The following ARMC9 variants were observed in gnomAD, a reference collection of about 807,000 sequenced individuals.
ARMC9 encodes the protein lisH domain-containing protein ARMC9.
A neutral mutation model predicts 107.0 loss-of-function variants in ARMC9; 94 were observed. The observed-to-expected ratio is 0.88, with a 90% CI of 0.74 to 1.04. The LOEUF is 1.04. Among genes scored for constraint, ARMC9 ranks in the 50% least tolerant of loss-of-function variants. The pLI is 0.00. For synonymous variants in ARMC9, 380 were observed against 396.9 expected, an observed-to-expected ratio of 0.96 and a Z score of 0.51; for missense variants, 942 against 1,030.1, an observed-to-expected ratio of 0.91 and a Z score of 1.17.
intron 19 of ARMC9, among the ~76,000 whole-genome samples, chr2:231,325,392 A>T (rs559497409): frequency 6.6e-6 from 1 of 152,298 alleles, no homozygotes; most frequent in Admixed American, 6.5e-5. Context: ...GCATTGACTG[A>T]AGTTAGCCAT....
intron 9 of ARMC9, among the ~76,000 whole-genome samples, chr2:231,246,256 T>C (rs1255714440): frequency 6.6e-6 from 1 of 152,228 alleles, no homozygotes; most frequent in Non-Finnish European, 1.5e-5. Flanking sequence ...GTTTGTTACA[T>C]GAGTAAATTA....
In ARMC9 at chr2:231,214,995, G is replaced by C. The variant is rs763095603; in HGVS notation, c.342G>C (p.Gly114=). Residue 114 remains glycine (G), a synonymous_variant, in exon 4 of 25, where the codon GGG becomes GGC. Transcript: ENST00000611582. The part of the protein sequence containing the change: ...FAIYLLKYSV[G]RPDKEELDEK... ...TCTATCTTTTGAAGTACTCTGTGGG[G>C]AGACCGGTGGGTTTACCTGGTGATG... The C allele has an allele frequency of 3.1e-6, 5 of 1,614,102 alleles. No homozygotes were observed. In the East Asian group the frequency reaches 1.1e-4, roughly 36 times the overall value.
intron 19 of ARMC9, among the ~76,000 whole-genome samples, chr2:231,296,614 C>T (rs1392918698): frequency 2.0e-5 from 3 of 152,162 alleles, no homozygotes; most frequent in Non-Finnish European, 2.9e-5. Flanking sequence ...GAGTGCTGGG[C>T]GTGTAGGCGC....
chr2:231,236,431 C>A (rs1057353511), intron 8 of ARMC9, among the ~76,000 whole-genome samples: 1 of 151,982 alleles, frequency 6.6e-6, no homozygotes, highest in Non-Finnish European at 1.5e-5. Context: ...CTATAAAGTA[C>A]AATAAAATCT....
chr2:231,335,770 G>A lies in ARMC9; in HGVS notation c.1878+3873G>A, dbSNP rs116693921. Among the ~76,000 whole-genome samples the A allele has an allele frequency of 2.2e-3, 328 of 152,246 alleles. 3 individuals are homozygous for A. The highest frequency in any genetic ancestry group is 7.4e-3 in the African/African-American group (306 of 41,524). On this transcript the variant is annotated intron_variant, in intron 20 of 24. Transcript: ENST00000611582. ...TGAAATTTTTAGTACCGTGCATACCGTGCTGAGTAATCAACAATGCCTCTG... is the reference window on the plus strand; with the variant it reads ...TGAAATTTTTAGTACCGTGCATACCATGCTGAGTAATCAACAATGCCTCTG...
At chr2:231,324,275 ACG>A (rs2043180361) in intron 19 of ARMC9, among the ~76,000 whole-genome samples, 1 of 150,704 alleles carries the variant, frequency 6.6e-6, no homozygotes, top group South Asian at 2.1e-4. Context: ...CTACAGGCAC[ACG>A]CCACCACGCC....
chr2:231,315,538 CATAA>C (rs1008199538), intron 19 of ARMC9, among the ~76,000 whole-genome samples: 2 of 152,082 alleles, frequency 1.3e-5, no homozygotes, highest in South Asian at 2.1e-4. Flanking sequence ...GGCTCCATCT[CATAA>C]ATAAATAAAT....
chr2:231,210,435 C>G (rs2032661047), intron 3 of ARMC9, among the ~76,000 whole-genome samples: 1 of 152,192 alleles, frequency 6.6e-6, no homozygotes, highest in Non-Finnish European at 1.5e-5. Context: ...TTCCCTGGTT[C>G]TTTCTGGATG....
intron 3 of ARMC9, among the ~76,000 whole-genome samples, chr2:231,208,793 G>A: frequency 6.6e-6 from 1 of 152,192 alleles, no homozygotes; most frequent in Non-Finnish European, 1.5e-5. Flanking sequence ...CCTTGACTAG[G>A]CATGGTGGCT....
Position 231,276,648 on chromosome 2 carries a change from G to A in ARMC9, c.1347G>A (p.Gln449=). 2 of 1,614,172 alleles carry A rather than the reference G, an allele frequency of 1.2e-6. No homozygotes were observed. The highest frequency in any genetic ancestry group is 1.7e-6 in the Non-Finnish European group (2 of 1,180,032). Residue 449 remains glutamine, a synonymous_variant, in exon 15 of 25, where the codon CAG becomes CAA. Coordinates refer to ENST00000611582, the MANE Select transcript of ARMC9 (RefSeq NM_001352754.2). ...LQKFSLRRPL[Q]TAMIQDGLIF... ...TCTTTCTTCCCAGGCGCCCGCTGCA[G>A]ACAGCGATGATTCAAGACGGCCTCA... is the stretch of plus-strand genomic sequence containing the variant.
intron 20 of ARMC9, among the ~76,000 whole-genome samples, chr2:231,340,464 GCA>G (rs2044428245): frequency 6.6e-6 from 1 of 152,264 alleles, no homozygotes; most frequent in South Asian, 2.1e-4. Flanking sequence ...AAGTTTTCTT[GCA>G]CACTGATTAT....
intron 3 of ARMC9, among the ~76,000 whole-genome samples, chr2:231,208,621 C>T (rs186380049): frequency 1.0e-3 from 156 of 152,316 alleles, no homozygotes; most frequent in Non-Finnish European, 1.8e-3. Context: ...ACAGCATTTG[C>T]ATTCTAGCTT....
intron 19 of ARMC9, among the ~76,000 whole-genome samples, chr2:231,309,640 A>G (rs1430171136): frequency 6.6e-6 from 1 of 152,174 alleles, no homozygotes; most frequent in Non-Finnish European, 1.5e-5. Context: ...TTGCAACTTC[A>G]GAATTCGAGG....
intron 20 of ARMC9, among the ~76,000 whole-genome samples, chr2:231,336,392 G>A (rs564398501): frequency 6.6e-6 from 1 of 152,228 alleles, no homozygotes; most frequent in South Asian, 2.1e-4. Flanking sequence ...ATAGAGGAGG[G>A]CGCTGAGGCT....
In ARMC9 at chr2:231,214,845, T is replaced by C. The variant is rs774407194; in HGVS notation, c.192T>C (p.Ala64=). ...CTTCTCCACAGAAGGATCTTGTCGC[T>C]GCATTTGACAACGGAGACCAGAAGG... ...KSLTIQKDLV[A]AFDNGDQKVF... is the part of the protein sequence containing the mutation. The change falls in exon 4 of 25, where the codon GCT becomes GCC. Residue 64 remains alanine, a synonymous_variant. Coordinates refer to ENST00000611582, the MANE Select transcript of ARMC9 (RefSeq NM_001352754.2). 1.2e-6 allele frequency: 2 copies of C among 1,614,154 alleles called. No individual in the cohort carries two copies. The highest frequency in any genetic ancestry group is 1.7e-6 in the Non-Finnish European group (2 of 1,179,994).
chr2:231,334,131 G>A (rs1457509168), intron 20 of ARMC9, among the ~76,000 whole-genome samples: 2 of 152,182 alleles, frequency 1.3e-5, no homozygotes, highest in Non-Finnish European at 2.9e-5. Context: ...GGAAACCATG[G>A]GTGGACATGT....
intron 22 of ARMC9, among the ~76,000 whole-genome samples, chr2:231,356,856 C>T (rs942404422): frequency 6.6e-6 from 1 of 152,086 alleles, no homozygotes; most frequent in African/African-American, 2.4e-5. Flanking sequence ...TCTTAGGGGG[C>T]GTCTGAAAAG....
intron 18 of ARMC9, among the ~76,000 whole-genome samples, chr2:231,292,692 C>CT (rs2041098829): frequency 6.6e-6 from 1 of 152,238 alleles, no homozygotes; most frequent in Non-Finnish European, 1.5e-5. Context: ...AGGTTTGTCA[C>CT]TGAGTCTCTC....
intron 5 of ARMC9, 98 bp downstream of exon 5, chr2:231,216,891 T>C: frequency 7.4e-7 from 1 of 1,358,996 alleles, no homozygotes; most frequent in East Asian, 2.4e-5. Flanking sequence ...TTAAAAAAAC[T>C]AAAATTTGCT....
Sources: gnomAD v4.1 joint callset for allele counts (sites outside exome capture counted in the v4.1 genomes callset) on GRCh38, gnomAD v4.1.1 for gene constraint, MANE v1.5 for transcripts, NCBI Gene and HGNC (gene_info 2026-07-23, HGNC 2026-07-21) for gene names.